SPTBN4: variants seen among roughly 807,000 people sequenced by gnomAD.
SPTBN4 encodes the protein spectrin beta, non-erythrocytic 4, also known as spectrin beta chain, non-erythrocytic 4.
Under a neutral mutation model 277.8 loss-of-function variants are expected in SPTBN4, and 96 were observed. That is an observed-to-expected ratio of 0.35 (90% confidence interval 0.29 to 0.41). The LOEUF (loss-of-function observed/expected upper bound fraction) is 0.41. SPTBN4 is among the 10% of genes least tolerant of loss of function. The pLI, the probability that SPTBN4 is intolerant of heterozygous loss-of-function variation, is 1.00. For synonymous variants in SPTBN4, 1,481 were observed against 1,580.3 expected, an observed-to-expected ratio of 0.94 and a Z score of 1.49; for missense variants, 3,006 against 3,595.7, an observed-to-expected ratio of 0.84 and a Z score of 4.19.
At chr19:40,568,387 A>ATC in intron 31 of SPTBN4, 105 bp downstream of exon 31, 1 of 1,411,440 alleles carries the variant, frequency 7.1e-7, no homozygotes. Flanking sequence ...GAACTTCCCA[A>ATC]AGAAGGAGAT....
In SPTBN4 at chr19:40,567,652, TC is replaced by T; in HGVS notation, c.6337-9del. 1 of 1,269,834 alleles carries T rather than the reference TC, an allele frequency of 7.9e-7. No homozygotes were observed. Among genetic ancestry groups the T allele is most frequent in the Non-Finnish European group, 1.0e-6 (1 of 978,562 alleles). The allele number at this position is 1,269,834 out of a possible 1,614,324, so 78.7% of individuals were successfully genotyped here. A position where few individuals can be genotyped will look rare whatever the true frequency, so the allele number is the denominator to read the frequency against. ...ACGCCTCCAACCTAACCCTGGTCCC[TC>T]CATCCTCAGATCGAGAAAATCAAAG... is the stretch of plus-strand genomic sequence containing the variant. On this transcript the variant is annotated splice_polypyrimidine_tract_variant and intron_variant, in intron 30 of 35. Coordinates refer to ENST00000598249, the MANE Select transcript of SPTBN4 (RefSeq NM_020971.3).
intron 12 of SPTBN4, among the ~76,000 whole-genome samples, chr19:40,504,342 A>G (rs891696305): frequency 2.0e-5 from 3 of 152,140 alleles, no homozygotes; most frequent in African/African-American, 7.2e-5. Context: ...AAAGAAACAC[A>G]GAATGAGAAA....
chr19:40,575,592 ACATCT>A lies in SPTBN4; in HGVS notation c.*25_*29del. The A allele has an allele frequency of 6.3e-7, 1 of 1,597,048 alleles. No individual in the cohort carries two copies. The highest frequency in any genetic ancestry group is 1.1e-5 in the South Asian group (1 of 89,688). ...TGACTTCCCACCCCCAGGACCTGAC[ACATCT>A]CGTCTCCCCTCTTTTCCGCACTGTG... On this transcript the variant is annotated 3_prime_UTR_variant, in exon 36 of 36. Transcript: ENST00000598249.
At chr19:40,543,504 C>G (rs1339881877) in intron 20 of SPTBN4, among the ~76,000 whole-genome samples, 1 of 152,026 alleles carries the variant, frequency 6.6e-6, no homozygotes, top group Non-Finnish European at 1.5e-5. Flanking sequence ...GGATTTTGGG[C>G]AGGCAAAACC....
intron 1 of SPTBN4, among the ~76,000 whole-genome samples, chr19:40,469,802 C>T (rs2079864816): frequency 6.6e-6 from 1 of 151,146 alleles, no homozygotes; most frequent in Admixed American, 6.6e-5. Context: ...TACCACCATA[C>T]CCGGCTAGTT....
At chr19:40,525,320 CTTTTTTT>C (rs34066431) in intron 17 of SPTBN4, among the ~76,000 whole-genome samples, 7 of 130,638 alleles carry the variant, frequency 5.4e-5, no homozygotes. Flanking sequence ...CTTTGTTCCA[CTTTTTTT>C]TTTTTTTTTT....
In SPTBN4 at chr19:40,565,685, G is replaced by A; in HGVS notation, c.6079G>A (p.Gly2027Arg). 5.1e-6 allele frequency: 8 copies of A among 1,555,518 alleles called. No homozygotes were observed. The highest frequency in any genetic ancestry group is 7.0e-6 in the Non-Finnish European group (8 of 1,149,058). ...DEIQAQLDKLGTRKEEVSEKW... is the reference protein window; with the variant it reads ...DEIQAQLDKLRTRKEEVSEKW... ...GATCCAGGCACAGCTGGACAAGCTG[G>A]GAACCAGGAAGGAGGAGGTGTCGGA... is the stretch of plus-strand genomic sequence containing the variant. The change falls in exon 29 of 36, where the codon GGA (glycine) becomes AGA (arginine). Residue 2027 changes from glycine to arginine, a missense_variant. By Grantham distance (125) the Gly-to-Arg change is moderately radical. Coordinates refer to ENST00000598249, the MANE Select transcript of SPTBN4 (RefSeq NM_020971.3).
intron 17 of SPTBN4, 151 bp downstream of exon 17, chr19:40,523,790 C>A: frequency 1.3e-6 from 1 of 796,288 alleles, no homozygotes; most frequent in Non-Finnish European, 1.9e-6. Flanking sequence ...TCCATGTTGT[C>A]TTAGATTTGA....
At chr19:40,512,529 A>C in intron 13 of SPTBN4, 77 bp from the exon 14 acceptor site, 2 of 1,423,998 alleles carry the variant, frequency 1.4e-6, no homozygotes, top group Non-Finnish European at 1.8e-6. Flanking sequence ...AGGACAGGGT[A>C]GGTAGCCCGC....
chr19:40,494,819 T>A, intron 5 of SPTBN4, 78 bp from the exon 6 acceptor site: 2 of 1,258,342 alleles, frequency 1.6e-6, no homozygotes, highest in Non-Finnish European at 1.1e-6. Context: ...TATCATTCGG[T>A]CTCCCTCTGT....
At chr19:40,485,570 C>T (rs536450691) in intron 2 of SPTBN4, among the ~76,000 whole-genome samples, 3 of 152,184 alleles carry the variant, frequency 2.0e-5, no homozygotes, top group East Asian at 3.9e-4. Flanking sequence ...CTTTGGGAAG[C>T]GTACGTGGGA....
At chr19:40,469,529 C>T (rs898985597) in intron 1 of SPTBN4, among the ~76,000 whole-genome samples, 1 of 151,724 alleles carries the variant, frequency 6.6e-6, no homozygotes, top group Non-Finnish European at 1.5e-5. Flanking sequence ...TCCCAAAGTG[C>T]TAGGATTACA....
chr19:40,524,025 A>C (rs2080560372), intron 17 of SPTBN4, among the ~76,000 whole-genome samples: 1 of 151,258 alleles, frequency 6.6e-6, no homozygotes, highest in African/African-American at 2.4e-5. Context: ...CTGGTCTTGA[A>C]CTCTTGACCA....
In SPTBN4 at chr19:40,574,365, C is replaced by CT. The variant is rs533228382; in HGVS notation, c.7537-1033dup. 2.1e-3 allele frequency among the ~76,000 whole-genome samples: 297 copies of CT among 141,778 alleles called. 1 individual carries two copies. Among genetic ancestry groups the CT allele is most frequent in the African/African-American group, 4.7e-3 (184 of 38,904 alleles). The allele number at this position is 141,778 out of a possible 152,430, so 93.0% of individuals were successfully genotyped here. Reference sequence around the variant, plus strand: ...TCACAAGATGCAATGAAGAAGTGGGCTTTTTTTTTTTTTGAGACAGAGTTT... The same window carrying CT: ...TCACAAGATGCAATGAAGAAGTGGGCTTTTTTTTTTTTTTGAGACAGAGTTT... On this transcript the variant is annotated intron_variant, in intron 35 of 35. Coordinates refer to ENST00000598249, the MANE Select transcript of SPTBN4 (RefSeq NM_020971.3).
intron 16 of SPTBN4, among the ~76,000 whole-genome samples, chr19:40,522,491 A>T (rs1196839189): frequency 6.6e-6 from 1 of 150,718 alleles, no homozygotes; most frequent in Non-Finnish European, 1.5e-5. Flanking sequence ...TAGCTGGGAT[A>T]ACAGGTGTGT....
chr19:40,527,122 C>G lies in SPTBN4; in HGVS notation c.3858-1919C>G, dbSNP rs58767335. The stretch of plus-strand genomic sequence containing the variant: ...CTGGTTCTGTCTCTGCAACTGTCTC[C>G]TATACACTCTGTCTCTTTGCTTCCA... On this transcript the variant is annotated intron_variant, in intron 17 of 35. Coordinates refer to ENST00000598249, the MANE Select transcript of SPTBN4 (RefSeq NM_020971.3). Among the ~76,000 whole-genome samples, 349 of 152,290 alleles carry G rather than the reference C, an allele frequency of 2.3e-3. 2 individuals carry two copies. Among genetic ancestry groups the G allele is most frequent in the African/African-American group, 8.2e-3 (340 of 41,552 alleles).
chr19:40,555,021 A>T, intron 24 of SPTBN4: 1 of 214,578 alleles, frequency 4.7e-6, no homozygotes, highest in Non-Finnish European at 9.4e-6. Flanking sequence ...GGGGCTGGAG[A>T]CCTCCTGGTG....
chr19:40,530,290 T>C (rs1048983210), intron 18 of SPTBN4, among the ~76,000 whole-genome samples: 1 of 152,014 alleles, frequency 6.6e-6, no homozygotes, highest in Non-Finnish European at 1.5e-5. Flanking sequence ...CCATCCCTCA[T>C]GAGATTGTTC....
At position 40,560,215 on chromosome 19, in the gene SPTBN4, T is replaced by C; in HGVS notation, c.5727T>C (p.His1909=). The C allele has an allele frequency of 1.9e-6, 3 of 1,607,842 alleles. No homozygotes were observed. The highest frequency in any genetic ancestry group is 2.5e-6 in the Non-Finnish European group (3 of 1,179,900). Residue 1909 remains histidine (H), a synonymous_variant, in exon 27 of 36, where the codon CAT becomes CAC. Transcript: ENST00000598249. The surrounding 1 kb of genome is among the most constrained non-coding windows in gnomAD (Gnocchi z 5.2). Reference sequence around the variant, plus strand: ...TGCGGACGGTGTATGCGGGTGAACATGCCGAGGCCATCGCTAGCCGGGAGC... The same window carrying C: ...TGCGGACGGTGTATGCGGGTGAACACGCCGAGGCCATCGCTAGCCGGGAGC... The part of the protein sequence containing the change: ...AQLRTVYAGE[H]AEAIASREQE...
Sources: allele counts gnomAD v4.1 joint callset (sites outside exome capture counted in the v4.1 genomes callset), GRCh38; gene constraint gnomAD v4.1.1; non-coding constraint Gnocchi (gnomAD v3.1); transcripts MANE v1.5; gene names NCBI Gene and HGNC (gene_info 2026-07-23, HGNC 2026-07-21).